The following RNGTT variants were observed in gnomAD, a reference collection of about 807,000 sequenced individuals.
The protein encoded by RNGTT is RNA guanylyltransferase and 5'-phosphatase, also known as mRNA-capping enzyme.
RNGTT carries 33 observed loss-of-function variants against 79.3 expected under a neutral mutation model. The observed-to-expected ratio is 0.42, with a 90% CI of 0.32 to 0.56. RNGTT has a LOEUF of 0.56. Among genes scored for constraint, RNGTT ranks in the 20% least tolerant of loss-of-function variants. The pLI is 0.17. For missense variants in RNGTT, 497 were observed against 739.1 expected (o/e 0.67, Z 3.80); for synonymous variants, 222 against 235.9 (o/e 0.94, Z 0.54).
intron 9 of RNGTT, among the ~76,000 whole-genome samples, chr6:88,852,080 A>C (rs979441635): frequency 1.3e-5 from 2 of 152,066 alleles, no homozygotes; most frequent in African/African-American, 4.8e-5. Context: ...TTAGTTCCTA[A>C]CTAACTAGAT....
At chr6:88,755,346 C>T (rs1414661746) in intron 13 of RNGTT, among the ~76,000 whole-genome samples, 1 of 151,716 alleles carries the variant, frequency 6.6e-6, no homozygotes, top group African/African-American at 2.4e-5. Flanking sequence ...AAATTGAACC[C>T]AATTTAAATT....
intron 14 of RNGTT, among the ~76,000 whole-genome samples, chr6:88,671,931 C>A (rs958677299): frequency 1.3e-5 from 2 of 152,008 alleles, no homozygotes; most frequent in African/African-American, 4.8e-5. Flanking sequence ...GAAACTGGAT[C>A]CTCTTCTCTC....
At chr6:88,766,560 A>C (rs1187818184) in intron 13 of RNGTT, among the ~76,000 whole-genome samples, 3 of 152,126 alleles carry the variant, frequency 2.0e-5, no homozygotes, top group African/African-American at 7.2e-5. Context: ...AATTTTCAGA[A>C]ATGATAATAG....
rs117259490 is a variant in RNGTT, at chr6:88,638,601, C to T, written c.1507-24206G>A. 9.6e-3 allele frequency among the ~76,000 whole-genome samples: 1,454 copies of T among 152,040 alleles called. 11 individuals carry two copies. The highest frequency in any genetic ancestry group is 0.014 in the Non-Finnish European group (946 of 67,928). On this transcript the variant is annotated intron_variant, in intron 14 of 15. Transcript: ENST00000369485. ...ACAGTTTTATGCTTTAAAGTTTAGA[C>T]GAAAACAAAGCTGGCATCTTAATCA...
intron 13 of RNGTT, among the ~76,000 whole-genome samples, chr6:88,710,470 G>T (rs973870669): frequency 2.0e-5 from 3 of 152,108 alleles, no homozygotes; most frequent in African/African-American, 7.2e-5. Flanking sequence ...GCATTAAAAT[G>T]GTTATTTATT....
intron 4 of RNGTT, among the ~76,000 whole-genome samples, chr6:88,911,111 C>T (rs549923826): frequency 6.6e-6 from 1 of 152,090 alleles, no homozygotes; most frequent in Non-Finnish European, 1.5e-5. Context: ...AGCACCACCG[C>T]AGGAAAAAAA....
intron 11 of RNGTT, among the ~76,000 whole-genome samples, chr6:88,821,683 G>A (rs999376350): frequency 2.0e-5 from 3 of 151,632 alleles, no homozygotes; most frequent in Admixed American, 2.0e-4. Context: ...AGAAAAAATG[G>A]TGTCAACTGA....
chr6:88,880,533 G>A (rs1163736213), intron 8 of RNGTT, among the ~76,000 whole-genome samples: 1 of 152,072 alleles, frequency 6.6e-6, no homozygotes, highest in African/African-American at 2.4e-5. Context: ...TACAGATATA[G>A]ATACATATGT....
intron 1 of RNGTT, among the ~76,000 whole-genome samples, chr6:88,956,721 C>A (rs1474076901): frequency 6.6e-6 from 1 of 152,130 alleles, no homozygotes; most frequent in Non-Finnish European, 1.5e-5. Flanking sequence ...ACCAGAGATG[C>A]AGAGATGGTT....
At chr6:88,663,386 A>G (rs1199669506) in intron 14 of RNGTT, among the ~76,000 whole-genome samples, 1 of 152,194 alleles carries the variant, frequency 6.6e-6, no homozygotes, top group Non-Finnish European at 1.5e-5. Context: ...GTATGGCACA[A>G]AGTAACTGAT....
chr6:88,931,216 A>C (rs865999195), intron 2 of RNGTT, among the ~76,000 whole-genome samples: 6 of 150,782 alleles, frequency 4.0e-5, no homozygotes, highest in African/African-American at 4.9e-5. Context: ...AAAAAGAACA[A>C]GAAGTTCTAT....
chr6:88,704,884 T>C (rs989512948), intron 13 of RNGTT, among the ~76,000 whole-genome samples: 3 of 152,100 alleles, frequency 2.0e-5, no homozygotes, highest in Non-Finnish European at 2.9e-5. Flanking sequence ...TCATATTATA[T>C]ATTACTTATA....
At chr6:88,860,205 T>C (rs932323953) in intron 8 of RNGTT, among the ~76,000 whole-genome samples, 6 of 152,210 alleles carry the variant, frequency 3.9e-5, no homozygotes, top group Non-Finnish European at 8.8e-5. Flanking sequence ...TAATTCAATA[T>C]GCTATTTACT....
chr6:88,643,328 G>T (rs2145921), intron 14 of RNGTT, among the ~76,000 whole-genome samples: 82,086 of 151,948 alleles, frequency 0.54, 23,657 homozygotes, highest in African/African-American at 0.75. Flanking sequence ...GTATGGGCAC[G>T]GAAAGCACAG....
At chr6:88,793,986 AAATTTTCACCAGGT>A (rs1484470844) in intron 12 of RNGTT, among the ~76,000 whole-genome samples, 2 of 152,244 alleles carry the variant, frequency 1.3e-5, no homozygotes, top group Admixed American at 6.5e-5. Context: ...ATTACTTAGT[AAATTTTCACCAGGT>A]TATTGGCAGA....
chr6:88,647,799 C>T (rs1773635635), intron 14 of RNGTT, among the ~76,000 whole-genome samples: 1 of 151,048 alleles, frequency 6.6e-6, no homozygotes, highest in South Asian at 2.1e-4. Flanking sequence ...ACAAACTTAA[C>T]CAATCAATCT....
chr6:88,956,487 T>G (rs1163158125), intron 1 of RNGTT, among the ~76,000 whole-genome samples: 1 of 152,188 alleles, frequency 6.6e-6, no homozygotes, highest in Non-Finnish European at 1.5e-5. Flanking sequence ...GCTACCAATC[T>G]TACTGAAACT....
intron 11 of RNGTT, among the ~76,000 whole-genome samples, chr6:88,815,157 T>C (rs1780275111): frequency 6.6e-6 from 1 of 152,166 alleles, no homozygotes; most frequent in African/African-American, 2.4e-5. Flanking sequence ...AGATAAAGAC[T>C]AAAGGTCAGA....
chr6:88,885,593 A>G (rs1782830371), intron 8 of RNGTT, among the ~76,000 whole-genome samples: 1 of 152,242 alleles, frequency 6.6e-6, no homozygotes, highest in Non-Finnish European at 1.5e-5. Flanking sequence ...GGTAAGAATC[A>G]TTAATGAATG....
Sources: allele counts gnomAD v4.1 joint callset (sites outside exome capture counted in the v4.1 genomes callset), GRCh38; gene constraint gnomAD v4.1.1; transcripts MANE v1.5; gene names NCBI Gene and HGNC (gene_info 2026-07-23, HGNC 2026-07-21).